Variants in DNAI4 observed in about 807,000 individuals in gnomAD.
DNAI4 encodes WD repeat domain 78.
Under a neutral mutation model 105.8 loss-of-function variants are expected in DNAI4, and 85 were observed. That is an observed-to-expected ratio of 0.80 (90% CI 0.67 to 0.96). The LOEUF (loss-of-function observed/expected upper bound fraction) is 0.96. DNAI4 is among the 40% of genes least tolerant of loss of function. DNAI4 has a pLI of 0.00. For missense variants in DNAI4, 1,014 were observed against 1,005.6 expected, an observed-to-expected ratio of 1.01 and a Z score of -0.11; for synonymous variants, 352 against 331.5, an observed-to-expected ratio of 1.06 and a Z score of -0.67.
intron 5 of DNAI4, among the ~76,000 whole-genome samples, chr1:66,874,482 A>G (rs574799656): frequency 7.4e-4 from 113 of 152,256 alleles, no homozygotes; most frequent in African/African-American, 2.5e-3. Context: ...AAACCTATAT[A>G]GAGACTTGGA....
intron 3 of DNAI4, among the ~76,000 whole-genome samples, chr1:66,891,810 T>C (rs1647675637): frequency 6.6e-6 from 1 of 152,218 alleles, no homozygotes; most frequent in East Asian, 1.9e-4. Context: ...TTAAAGTCCT[T>C]CGGTGAATTA....
chr1:66,914,570 C>T lies in DNAI4; in HGVS notation c.171-9195G>A, dbSNP rs1014012459. Among the ~76,000 whole-genome samples the T allele has an allele frequency of 3.3e-5, 5 of 152,016 alleles. No individual in the cohort carries two copies. The East Asian group carries it at 5.8e-4, about 18-fold the overall frequency. On this transcript the variant is annotated intron_variant, in intron 1 of 16. Transcript: ENST00000371026. ...TCTAGCACATAAAACTTTTTCTCTC[C>T]GCATCTTATAATGTAAATTTTGCTA...
At chr1:66,840,702 T>C (rs754871268) in intron 8 of DNAI4, 31 bp from the exon 9 acceptor site, 3 of 1,611,560 alleles carry the variant, frequency 1.9e-6, no homozygotes, top group Admixed American at 1.7e-5. Context: ...AAGATCATTG[T>C]CCTCTACATC....
chr1:66,855,125 C>T (rs1416336426), intron 7 of DNAI4, among the ~76,000 whole-genome samples: 1 of 152,190 alleles, frequency 6.6e-6, no homozygotes, highest in Non-Finnish European at 1.5e-5. Flanking sequence ...ACTAGTTTCC[C>T]TTGCCCTAAT....
At chr1:66,901,483 T>A (rs192971515) in intron 2 of DNAI4, among the ~76,000 whole-genome samples, 1 of 152,318 alleles carries the variant, frequency 6.6e-6, no homozygotes, top group Admixed American at 6.5e-5. Flanking sequence ...ACCATCACAA[T>A]AGTACATTAT....
chr1:66,884,751 T>G (rs1426734667), intron 4 of DNAI4, among the ~76,000 whole-genome samples: 1 of 152,166 alleles, frequency 6.6e-6, no homozygotes, highest in South Asian at 2.1e-4. Context: ...TTTGGAAATG[T>G]TCCCCCTTCA....
At chr1:66,881,735 G>A (rs1438014021) in intron 4 of DNAI4, among the ~76,000 whole-genome samples, 1 of 152,130 alleles carries the variant, frequency 6.6e-6, no homozygotes, top group African/African-American at 2.4e-5. Flanking sequence ...AGACTTGTGG[G>A]GATTGTTGGG....
intron 15 of DNAI4, among the ~76,000 whole-genome samples, chr1:66,822,925 T>A (rs1645663362): frequency 6.6e-6 from 1 of 152,080 alleles, no homozygotes. Context: ...ATTATTATTA[T>A]ATTTTAAGTT....
chr1:66,845,021 C>T (rs1195942636), intron 8 of DNAI4, among the ~76,000 whole-genome samples: 1 of 151,734 alleles, frequency 6.6e-6, no homozygotes. Context: ...CGGTGAAACC[C>T]GGTCTCTACT....
chr1:66,832,341 C>G (rs1316066020), intron 13 of DNAI4, among the ~76,000 whole-genome samples: 1 of 152,034 alleles, frequency 6.6e-6, no homozygotes, highest in African/African-American at 2.4e-5. Context: ...TAGAGGAGCT[C>G]AAGTTTTGGT....
intron 11 of DNAI4, 120 bp downstream of exon 11, chr1:66,835,506 C>A (rs1184093704): frequency 2.8e-6 from 3 of 1,069,066 alleles, no homozygotes; most frequent in African/African-American, 1.6e-5. Context: ...TGAAATGTTT[C>A]AAAAATAATG....
At chr1:66,817,334 ACG>A (rs1300449241) in intron 16 of DNAI4, among the ~76,000 whole-genome samples, 3 of 152,198 alleles carry the variant, frequency 2.0e-5, no homozygotes, top group African/African-American at 7.2e-5. Flanking sequence ...GCACTTGAGG[ACG>A]CTTAGGTGGG....
At chr1:66,876,438 TTAGA>T (rs1226492040) in intron 4 of DNAI4, among the ~76,000 whole-genome samples, 2 of 152,174 alleles carry the variant, frequency 1.3e-5, no homozygotes, top group Non-Finnish European at 2.9e-5. Flanking sequence ...TGATCTTATA[TTAGA>T]TAAATTACAT....
chr1:66,895,906 A>T (rs1389643604), intron 2 of DNAI4, among the ~76,000 whole-genome samples: 1 of 151,568 alleles, frequency 6.6e-6, no homozygotes, highest in Non-Finnish European at 1.5e-5. Context: ...CTTCCTTATG[A>T]TGTATGTATT....
chr1:66,916,229 TA>T (rs1650065365), intron 1 of DNAI4, among the ~76,000 whole-genome samples: 1 of 152,212 alleles, frequency 6.6e-6, no homozygotes, highest in Non-Finnish European at 1.5e-5. Context: ...AAAGAGGATT[TA>T]TTTTAAAAAA....
In DNAI4 at chr1:66,893,274, A is replaced by G. The variant is rs1352875790; in HGVS notation, c.485T>C (p.Leu162Pro). The change falls in exon 3 of 17, where the codon CTT becomes CCT. Residue 162 changes from leucine to proline, a missense_variant. Leu to Pro is a moderately conservative substitution (Grantham distance 98). Transcript: ENST00000371026. ...ACTAGGATTTATTGTATTCTGATAA[A>G]GGCTATAGGAAGATATAAATTCTGA... Reference protein sequence around the residue: ...LGSEFISSYSLYQNTINPSTL... With the variant: ...LGSEFISSYSPYQNTINPSTL... 3.1e-6 allele frequency: 5 copies of G among 1,606,158 alleles called. No individual in the cohort carries two copies. Among genetic ancestry groups the G allele is most frequent in the Non-Finnish European group, 4.3e-6 (5 of 1,176,154 alleles).
At chr1:66,913,224 CTGG>C (rs1266250843) in intron 1 of DNAI4, among the ~76,000 whole-genome samples, 1 of 152,118 alleles carries the variant, frequency 6.6e-6, no homozygotes, top group African/African-American at 2.4e-5. Context: ...TAACAACCAG[CTGG>C]TCTTAATTTC....
At chr1:66,917,386 A>G (rs1650145291) in intron 1 of DNAI4, among the ~76,000 whole-genome samples, 1 of 152,148 alleles carries the variant, frequency 6.6e-6, no homozygotes, top group Admixed American at 6.5e-5. Context: ...TGGTTCTATA[A>G]TCAACTATGG....
At chr1:66,882,088 G>A (rs368056332) in intron 4 of DNAI4, among the ~76,000 whole-genome samples, 7 of 152,172 alleles carry the variant, frequency 4.6e-5, no homozygotes, top group Admixed American at 1.3e-4. Flanking sequence ...CATGTGAAAT[G>A]TAAGTCCATT....
Sources: allele counts gnomAD v4.1 joint callset (sites outside exome capture counted in the v4.1 genomes callset), GRCh38; gene constraint gnomAD v4.1.1; transcripts MANE v1.5; gene names NCBI Gene and HGNC (gene_info 2026-07-23, HGNC 2026-07-21).